Variants in PSD3 observed in about 807,000 individuals in gnomAD.
The protein encoded by PSD3 is PH and SEC7 domain-containing protein 3.
A neutral mutation model predicts 105.5 loss-of-function variants in PSD3; 49 were observed. That is an observed-to-expected ratio of 0.46 (90% CI 0.37 to 0.59). PSD3 has a LOEUF of 0.59. PSD3 is among the 20% of genes least tolerant of loss of function. The pLI is 0.00. For missense variants in PSD3, 1,561 were observed against 1,263.8 expected (o/e 1.24, Z -3.57); for synonymous variants, 557 against 457.8 (o/e 1.22, Z -2.77).
intron 9 of PSD3, among the ~76,000 whole-genome samples, chr8:18,681,446 C>CAA (rs528679351): frequency 3.7e-3 from 230 of 62,228 alleles, no homozygotes; most frequent in Middle Eastern, 0.012. Context: ...GTTTCTGTTT[C>CAA]AAAAAAAAAA....
intron 2 of PSD3, among the ~76,000 whole-genome samples, chr8:18,893,911 G>A (rs768317105): frequency 6.6e-6 from 1 of 152,200 alleles, no homozygotes; most frequent in Non-Finnish European, 1.5e-5. Flanking sequence ...TGAAGGCCCA[G>A]GGATTAGTTT....
intron 9 of PSD3, chr8:18,683,694 A>G: frequency 5.5e-6 from 4 of 721,570 alleles, no homozygotes; most frequent in Non-Finnish European, 1.0e-5. Flanking sequence ...ATCACTGCAC[A>G]TTAGACACTG....
intron 1 of PSD3, among the ~76,000 whole-genome samples, chr8:18,960,783 G>T (rs188377085): frequency 6.6e-6 from 1 of 152,194 alleles, no homozygotes; most frequent in Admixed American, 6.5e-5. Flanking sequence ...TTCTGAGGGG[G>T]TAATCATACT....
chr8:18,759,589 C>T (rs1296300800), intron 9 of PSD3, among the ~76,000 whole-genome samples: 2 of 152,040 alleles, frequency 1.3e-5, no homozygotes, highest in Non-Finnish European at 2.9e-5. Context: ...AAATAAAGAT[C>T]TAACAATGAC....
At chr8:18,716,353 T>C (rs922844882) in intron 9 of PSD3, among the ~76,000 whole-genome samples, 1 of 152,142 alleles carries the variant, frequency 6.6e-6, no homozygotes, top group Non-Finnish European at 1.5e-5. Flanking sequence ...TTTTTACCTT[T>C]CCGGGCTCTG....
chr8:19,052,407 G>A (rs896118639), intron 1 of PSD3, among the ~76,000 whole-genome samples: 1 of 150,892 alleles, frequency 6.6e-6, no homozygotes, highest in Non-Finnish European at 1.5e-5. Flanking sequence ...AGGAGGCAGA[G>A]GTTGCAGTGA....
intron 9 of PSD3, among the ~76,000 whole-genome samples, chr8:18,668,044 G>A (rs1015790125): frequency 2.0e-5 from 3 of 152,054 alleles, no homozygotes; most frequent in Non-Finnish European, 4.4e-5. Context: ...CGCGCAACCC[G>A]GGTTCCCGCC....
chr8:18,684,172 T>A (rs1585611258), intron 9 of PSD3: 1 of 374,572 alleles, frequency 2.7e-6, no homozygotes, highest in Non-Finnish European at 4.9e-6. Context: ...AGGAAAAAAA[T>A]GCAATCCACC....
At chr8:18,745,781 C>T (rs1410927435) in intron 9 of PSD3, among the ~76,000 whole-genome samples, 1 of 152,216 alleles carries the variant, frequency 6.6e-6, no homozygotes, top group Non-Finnish European at 1.5e-5. Flanking sequence ...ACCTACGTTT[C>T]TGCATCAATC....
chr8:18,867,119 C>T (rs1817001822), intron 4 of PSD3, among the ~76,000 whole-genome samples: 1 of 152,086 alleles, frequency 6.6e-6, no homozygotes. Context: ...AAATACGGAG[C>T]CTAGACCAAG....
chr8:18,734,647 G>A (rs1416194947), intron 9 of PSD3, among the ~76,000 whole-genome samples: 2 of 152,168 alleles, frequency 1.3e-5, no homozygotes, highest in Non-Finnish European at 2.9e-5. Flanking sequence ...AGCAAGTCAT[G>A]AGGAGACCTA....
intron 4 of PSD3, among the ~76,000 whole-genome samples, chr8:18,847,096 A>G (rs1216131779): frequency 1.3e-5 from 2 of 152,100 alleles, no homozygotes; most frequent in Non-Finnish European, 2.9e-5. Flanking sequence ...CACCTCTTAC[A>G]TGCTGGTTTC....
intron 1 of PSD3, among the ~76,000 whole-genome samples, chr8:18,968,704 G>T (rs1043601170): frequency 1.3e-5 from 2 of 151,860 alleles, no homozygotes. Context: ...GTGAAACCCC[G>T]TCTCTAATAA....
intron 12 of PSD3, among the ~76,000 whole-genome samples, chr8:18,585,704 C>T (rs1208244372): frequency 1.3e-5 from 2 of 152,128 alleles, no homozygotes; most frequent in Admixed American, 6.5e-5. Flanking sequence ...TAAGAGTCGT[C>T]AGGAAGGGAA....
At position 18,728,126 on chromosome 8, in the gene PSD3, C is replaced by A. The variant is rs151255563; in HGVS notation, c.2172+37323G>T. On this transcript the variant is annotated intron_variant, in intron 9 of 15. Transcript: ENST00000327040. ...TGTTAAACTTCACAAAGGAGTTTAT[C>A]ATTATAGGTTCAGGTCAAGTCCCAC... Among the ~76,000 whole-genome samples the A allele has an allele frequency of 7.3e-4, 111 of 152,118 alleles. 6 individuals carry two copies. In the East Asian group the frequency reaches 0.016, roughly 23 times the overall value.
At chr8:18,905,213 T>C (rs1411320467) in intron 2 of PSD3, among the ~76,000 whole-genome samples, 1 of 152,128 alleles carries the variant, frequency 6.6e-6, no homozygotes, top group Admixed American at 6.5e-5. Flanking sequence ...CCTCTGCACT[T>C]TTGCTTATTA....
chr8:18,611,841 T>C (rs1487759), intron 11 of PSD3, among the ~76,000 whole-genome samples: 33,298 of 152,046 alleles, frequency 0.22, 3,882 homozygotes, highest in Middle Eastern at 0.37. Flanking sequence ...TGTCTGATTA[T>C]AGATTAGCCT....
intron 15 of PSD3, among the ~76,000 whole-genome samples, chr8:18,547,010 TG>T (rs1482709414): frequency 1.3e-5 from 2 of 152,188 alleles, no homozygotes; most frequent in Non-Finnish European, 2.9e-5. Flanking sequence ...GTGGGTCATC[TG>T]GGCTGTTTCT....
At chr8:18,865,778 A>T (rs1282684475) in intron 4 of PSD3, among the ~76,000 whole-genome samples, 1 of 152,180 alleles carries the variant, frequency 6.6e-6, no homozygotes, top group African/African-American at 2.4e-5. Context: ...TGGTTTGACA[A>T]TGCAGGTGAC....
Sources: gnomAD v4.1 joint callset for allele counts (sites outside exome capture counted in the v4.1 genomes callset) on GRCh38, gnomAD v4.1.1 for gene constraint, MANE v1.5 for transcripts, NCBI Gene and HGNC (gene_info 2026-07-23, HGNC 2026-07-21) for gene names.